MARCHF8: variants seen among roughly 807,000 people sequenced by gnomAD.
The protein encoded by MARCHF8 is membrane associated ring-CH-type finger 8.
A neutral mutation model predicts 51.6 loss-of-function variants in MARCHF8; 40 were observed. The observed-to-expected ratio is 0.77, with a 90% CI of 0.60 to 1.01. The LOEUF (loss-of-function observed/expected upper bound fraction) is 1.01. Among genes scored for constraint, MARCHF8 ranks in the 50% least tolerant of loss-of-function variants. The pLI, the probability that MARCHF8 is intolerant of heterozygous loss-of-function variation, is 0.00. For missense variants in MARCHF8, 685 were observed against 708.6 expected (o/e 0.97, Z 0.38); for synonymous variants, 263 against 280.3 (o/e 0.94, Z 0.62).
intron 2 of MARCHF8, among the ~76,000 whole-genome samples, chr10:45,498,727 C>T (rs187000681): frequency 1.3e-4 from 20 of 152,330 alleles, no homozygotes; most frequent in African/African-American, 3.8e-4. Flanking sequence ...CCTCCCTCCT[C>T]GGCCTCCCAA....
intron 1 of MARCHF8, among the ~76,000 whole-genome samples, chr10:45,566,449 C>T (rs1303133879): frequency 6.6e-6 from 1 of 152,128 alleles, no homozygotes; most frequent in Non-Finnish European, 1.5e-5. Context: ...CTGGTAACCA[C>T]CCTTTTACTC....
In MARCHF8 at chr10:45,455,873, C is replaced by A. The variant is rs1403807195; in HGVS notation, c.*2366G>T. 6.6e-6 allele frequency: 1 copy of A among 152,352 alleles called. No homozygotes were observed. The highest frequency in any genetic ancestry group is 1.5e-5 in the Non-Finnish European group (1 of 68,152). 9.4% of individuals were successfully genotyped at this position (152,352 alleles called of 1,614,324 possible). ...GCAGAAAAGAAGGGAGAGGGCTTCC[C>A]ATGAGAATCTGGCTGGGCATGGGAG... On this transcript the variant is annotated 3_prime_UTR_variant, in exon 8 of 8. Transcript: ENST00000453424.
intron 1 of MARCHF8, among the ~76,000 whole-genome samples, chr10:45,573,101 TCATCAAATATGAAAAACC>T (rs1157264838): frequency 6.6e-6 from 1 of 152,140 alleles, no homozygotes; most frequent in East Asian, 1.9e-4. Context: ...AGGCTCTTTT[TCATCAAATATGAAAAACC>T]CAGCCCAGTT....
At chr10:45,516,682 TGAACCTGGGA>T (rs1167124045) in intron 2 of MARCHF8, among the ~76,000 whole-genome samples, 3 of 152,124 alleles carry the variant, frequency 2.0e-5, no homozygotes, top group Non-Finnish European at 2.9e-5. Context: ...GAGAATCGCT[TGAACCTGGGA>T]GGCGGAGGTT....
chr10:45,584,273 A>C (rs969792765), intron 1 of MARCHF8, among the ~76,000 whole-genome samples: 1 of 151,206 alleles, frequency 6.6e-6, no homozygotes, highest in Non-Finnish European at 1.5e-5. Flanking sequence ...AACACCATAC[A>C]GTAGTTATTA....
chr10:45,571,592 G>A (rs533262049), intron 1 of MARCHF8, among the ~76,000 whole-genome samples: 4 of 152,132 alleles, frequency 2.6e-5, no homozygotes, highest in East Asian at 1.9e-4. Flanking sequence ...GACTCGGATC[G>A]GCGGACCTCC....
At chr10:45,476,530 T>C (rs2042790059) in intron 3 of MARCHF8, among the ~76,000 whole-genome samples, 1 of 152,236 alleles carries the variant, frequency 6.6e-6, no homozygotes, top group Admixed American at 6.5e-5. Context: ...ATCGCACCAC[T>C]GTACTCCTGC....
At chr10:45,537,078 T>C (rs1159762925), upstream of MARCHF8, among the ~76,000 whole-genome samples, 1 of 152,108 alleles carries the variant, frequency 6.6e-6, no homozygotes, top group East Asian at 1.9e-4. Flanking sequence ...ATAGTCTGGC[T>C]CTTTCTCAAA....
At chr10:45,484,376 C>G (rs1027911581) in intron 3 of MARCHF8, among the ~76,000 whole-genome samples, 2 of 150,908 alleles carry the variant, frequency 1.3e-5, no homozygotes, top group African/African-American at 4.8e-5. Flanking sequence ...GGTCAAGGAC[C>G]CTGCGGTGAG....
chr10:45,467,939 C>T (rs963029), intron 3 of MARCHF8, among the ~76,000 whole-genome samples: 36,038 of 151,880 alleles, frequency 0.24, 4,388 homozygotes, highest in Middle Eastern at 0.25. Flanking sequence ...ATGACAGACT[C>T]TCCAGTCATG....
chr10:45,482,233 T>C (rs941802638), intron 3 of MARCHF8, among the ~76,000 whole-genome samples: 1 of 152,148 alleles, frequency 6.6e-6, no homozygotes, highest in Non-Finnish European at 1.5e-5. Context: ...AAAATGACCA[T>C]ACTACCCAAA....
chr10:45,488,925 C>A (rs1056603224), intron 3 of MARCHF8, among the ~76,000 whole-genome samples: 4 of 152,192 alleles, frequency 2.6e-5, no homozygotes, highest in Non-Finnish European at 5.9e-5. Context: ...GCACCCCGAA[C>A]AGCCACAGAA....
chr10:45,585,381 T>G (rs969331497), intron 1 of MARCHF8, among the ~76,000 whole-genome samples: 2 of 152,148 alleles, frequency 1.3e-5, no homozygotes, highest in African/African-American at 2.4e-5. Context: ...ATTCATAATG[T>G]AACACAATAA....
At chr10:45,493,256 G>GGAGAAAAAA (rs1476091802) in intron 2 of MARCHF8, among the ~76,000 whole-genome samples, 106 of 152,148 alleles carry the variant, frequency 7.0e-4, no homozygotes, top group Non-Finnish European at 1.9e-4. Context: ...GACATACCAA[G>GGAGAAAAAA]GAGAAAAAAG....
intron 1 of MARCHF8, among the ~76,000 whole-genome samples, chr10:45,560,923 A>G (rs1040451622): frequency 2.6e-5 from 4 of 152,224 alleles, no homozygotes; most frequent in Admixed American, 6.5e-5. Flanking sequence ...CGTATAAGAT[A>G]CATACAAGGA....
At chr10:45,574,475 C>T (rs2044466827) in intron 1 of MARCHF8, among the ~76,000 whole-genome samples, 1 of 152,154 alleles carries the variant, frequency 6.6e-6, no homozygotes, top group Non-Finnish European at 1.5e-5. Flanking sequence ...CTTTACTAGT[C>T]CTTTGCACCC....
intron 1 of MARCHF8, among the ~76,000 whole-genome samples, chr10:45,562,173 C>T (rs943682910): frequency 1.3e-5 from 2 of 152,040 alleles, no homozygotes. Context: ...TGGACTCACA[C>T]ATGACTAATT....
chr10:45,532,986 T>C (rs538819401), intron 2 of MARCHF8, 124 bp downstream of exon 2: 22 of 639,748 alleles, frequency 3.4e-5, no homozygotes, highest in Non-Finnish European at 4.7e-5. Context: ...AGTACAACTA[T>C]TTGTGTGCTT....
intron 3 of MARCHF8, among the ~76,000 whole-genome samples, chr10:45,468,219 C>T (rs1329591881): frequency 6.6e-6 from 1 of 152,172 alleles, no homozygotes; most frequent in East Asian, 1.9e-4. Context: ...GGAAAAAAAA[C>T]TTTTCCATAT....
Sources: gnomAD v4.1 joint callset for allele counts (sites outside exome capture counted in the v4.1 genomes callset) on GRCh38, gnomAD v4.1.1 for gene constraint, MANE v1.5 for transcripts, NCBI Gene and HGNC (gene_info 2026-07-23, HGNC 2026-07-21) for gene names.